The following SMG5 variants were observed in gnomAD, a reference collection of about 807,000 sequenced individuals.
The protein encoded by SMG5 is nonsense-mediated mRNA decay factor SMG5.
In SMG5, 53 loss-of-function variants were observed where a neutral mutation model predicts 122.9. The observed-to-expected ratio is 0.43, with a 90% CI of 0.35 to 0.54. The LOEUF is 0.54. Ranked by LOEUF, SMG5 falls within the 20% of genes least tolerant of loss-of-function variation. The pLI is 0.01. For synonymous variants in SMG5, 477 were observed against 490.2 expected (o/e 0.97, Z 0.35); for missense variants, 1,153 against 1,285.6 (o/e 0.90, Z 1.58).
rs757381534 is a variant in SMG5, at chr1:156,266,193, G to A, written c.1443C>T (p.Asp481=). 4.3e-5 allele frequency: 69 copies of A among 1,614,124 alleles called. No individual in the cohort carries two copies. The highest frequency in any genetic ancestry group is 5.3e-5 in the Non-Finnish European group (63 of 1,180,062). Residue 481 remains aspartate, a synonymous_variant, in exon 12 of 22, where the codon GAC becomes GAT. Transcript: ENST00000361813. ...DSDLSEGFES[D]SSHDSARASE... ...TGGCCCGGGCTGAGTCATGGCTTGA[G>A]TCCGATTCAAAGCCTTCACTCAGGT...
intron 19 of SMG5, among the ~76,000 whole-genome samples, chr1:156,251,907 G>T (rs531512173): frequency 6.6e-6 from 1 of 152,334 alleles, no homozygotes; most frequent in Admixed American, 6.5e-5. Context: ...CAGAAGGGCA[G>T]GCCTGTACCG....
At position 156,277,997 on chromosome 1, in the gene SMG5, C is replaced by T. The variant is rs753619232; in HGVS notation, c.225G>A (p.Gly75=). 3 of 1,614,152 alleles carry T rather than the reference C, an allele frequency of 1.9e-6. No homozygotes were observed. The East Asian group carries it at 6.7e-5, about 36-fold the overall frequency. ...TCCACAGCAGCTCCTCAGCCTTTCTCCCATAGTCCACTGGGTGCAGGAACA... is the reference window on the plus strand; with the variant it reads ...TCCACAGCAGCTCCTCAGCCTTTCTTCCATAGTCCACTGGGTGCAGGAACA... ...KLMFLHPVDY[G]RKAEELLWRK... is the part of the protein sequence containing the mutation. Residue 75 remains glycine (G), a synonymous_variant, in exon 3 of 22, where the codon GGG becomes GGA. Coordinates refer to ENST00000361813, the MANE Select transcript of SMG5 (RefSeq NM_015327.3).
chr1:156,252,289 G>A, intron 19 of SMG5, 125 bp downstream of exon 19: 1 of 786,546 alleles, frequency 1.3e-6, no homozygotes, highest in South Asian at 1.7e-5. Context: ...AGTGAGGTGA[G>A]CTAACTGTGA....
rs1194496637 is a variant in SMG5 at position 156,249,822 on chromosome 1, G to A, written c.*765C>T. 1 of 471,136 alleles carries A rather than the reference G, an allele frequency of 2.1e-6. No individual in the cohort carries two copies. The highest frequency in any genetic ancestry group is 4.4e-6 in the Non-Finnish European group (1 of 227,078). The allele number at this position is 471,136 out of a possible 1,614,324, so 29.2% of individuals were successfully genotyped here. On this transcript the variant is annotated 3_prime_UTR_variant, in exon 22 of 22. Coordinates refer to ENST00000361813, the MANE Select transcript of SMG5 (RefSeq NM_015327.3). ...AAGAGCACAAAGCACAGCACCTGTG[G>A]GGCTGGTGGGCACAGGAGACCGTGC... is the stretch of plus-strand genomic sequence containing the variant.
In SMG5 at chr1:156,263,972, A is replaced by G. The variant is rs564594866; in HGVS notation, c.1856-402T>C. Among the ~76,000 whole-genome samples the G allele has an allele frequency of 5.0e-4, 76 of 152,260 alleles. 4 individuals carry two copies. The South Asian group carries it at 0.016, about 32-fold the overall frequency. On this transcript the variant is annotated intron_variant, in intron 12 of 21. Transcript: ENST00000361813. Reference sequence around the variant, plus strand: ...GGAGAAAAGCAAGGGGTATGGTTTTAAAAGAGTTACTTTCAGGCCGGGCGT... The same window carrying G: ...GGAGAAAAGCAAGGGGTATGGTTTTGAAAGAGTTACTTTCAGGCCGGGCGT...
At chr1:156,271,219 G>A (rs544219054) in intron 7 of SMG5, among the ~76,000 whole-genome samples, 14 of 152,090 alleles carry the variant, frequency 9.2e-5, no homozygotes, top group Non-Finnish European at 1.8e-4. Flanking sequence ...GAATTATGAC[G>A]TACAATTAGT....
Position 156,263,573 on chromosome 1 carries a change from G to C in SMG5, c.1856-3C>G. ...CGACTCAGAGCCCTCCTCAGAGGCT[G>C]GGGGGTGGGTGAATGGAAGAGAAAA... On this transcript the variant is annotated splice_polypyrimidine_tract_variant and splice_region_variant and intron_variant, in intron 12 of 21. Coordinates refer to ENST00000361813, the MANE Select transcript of SMG5 (RefSeq NM_015327.3). The C allele has an allele frequency of 2.5e-6, 4 of 1,610,320 alleles. No homozygotes were observed. The South Asian group carries it at 3.3e-5, about 13-fold the overall frequency.
chr1:156,289,614 A>C, the SMG5 span, among the ~76,000 whole-genome samples: 1 of 152,208 alleles, frequency 6.6e-6, no homozygotes, highest in South Asian at 2.1e-4. Flanking sequence ...TCTGTCTCAA[A>C]AAATAACAAG....
upstream of SMG5, chr1:156,285,940 C>T (rs748217553): frequency 6.2e-7 from 1 of 1,612,964 alleles, no homozygotes; most frequent in South Asian, 1.1e-5. Context: ...GCCTGATCTA[C>T]ACACTGCGCT....
At chr1:156,285,371 G>A (rs138995703), upstream of SMG5, 616 of 1,582,438 alleles carry the variant, frequency 3.9e-4, 3 homozygotes, top group African/African-American at 5.0e-3. Context: ...GTCCCTCAGA[G>A]TGGGGTCTTC....
chr1:156,262,780 G>A (rs1035736720), intron 13 of SMG5, among the ~76,000 whole-genome samples: 5 of 152,182 alleles, frequency 3.3e-5, no homozygotes, highest in African/African-American at 9.6e-5. Flanking sequence ...GGACTGGGGC[G>A]ACCCACAGGG....
intron 6 of SMG5, among the ~76,000 whole-genome samples, chr1:156,272,698 C>G (rs1252889181): frequency 6.6e-6 from 1 of 152,000 alleles, no homozygotes; most frequent in African/African-American, 2.4e-5. Flanking sequence ...TCAGCCTCTC[C>G]CAGTAGCTGG....
At chr1:156,253,663 G>GA (rs1661455243) in intron 16 of SMG5, 155 bp from the exon 17 acceptor site, 3 of 693,522 alleles carry the variant, frequency 4.3e-6, no homozygotes, top group Admixed American at 2.2e-5. Context: ...AGGCATGGAA[G>GA]AAAAAATATT....
chr1:156,253,057 C>A lies in SMG5; in HGVS notation c.2524G>T (p.Gly842Cys). ...RLQLEVSQLE[G>C]SLQQPKAQSA... ...TGGGCCTTGGGCTGCTGCAGGCTGCCCTCCAGCTGAGACACTTCGAGCTGG... is the reference window on the plus strand; with the variant it reads ...TGGGCCTTGGGCTGCTGCAGGCTGCACTCCAGCTGAGACACTTCGAGCTGG... Residue 842 changes from glycine (G) to cysteine (C), a missense_variant, in exon 18 of 22, where the codon GGC (glycine) becomes TGC (cysteine). Transcript: ENST00000361813. The A allele has an allele frequency of 6.2e-7, 1 of 1,609,390 alleles. No individual in the cohort carries two copies. The highest frequency in any genetic ancestry group is 1.1e-5 in the South Asian group (1 of 90,256).
chr1:156,267,563 C>G lies in SMG5; in HGVS notation c.1024G>C (p.Glu342Gln), dbSNP rs770734286. The part of the protein sequence containing the change: ...NLSLASEDEE[E>Q]YESGYAFLPD... ...AGGAAAGCATATCCACTCTCATACT[C>G]CTCCTCATCCTCACTGGCCAGGCTG... Residue 342 changes from glutamate (E) to glutamine (Q), a missense_variant, in exon 10 of 22, where the codon GAG becomes CAG. Coordinates refer to ENST00000361813, the MANE Select transcript of SMG5 (RefSeq NM_015327.3). 5 of 1,614,072 alleles carry G rather than the reference C, an allele frequency of 3.1e-6. No homozygotes were observed. The highest frequency in any genetic ancestry group is 2.2e-5 in the East Asian group (1 of 44,888).
intron 12 of SMG5, 121 bp downstream of exon 12, chr1:156,265,660 A>AG: frequency 1.4e-6 from 2 of 1,436,462 alleles, no homozygotes; most frequent in Non-Finnish European, 1.9e-6. Flanking sequence ...CCACAGGCAG[A>AG]GGGCCAAAGG....
intron 7 of SMG5, among the ~76,000 whole-genome samples, chr1:156,269,955 G>A (rs1355116723): frequency 2.0e-5 from 3 of 152,132 alleles, no homozygotes; most frequent in East Asian, 3.9e-4. Context: ...CAGGAGAATC[G>A]CCTGAACCCA....
intron 1 of SMG5, among the ~76,000 whole-genome samples, chr1:156,282,138 G>A (rs753625168): frequency 1.6e-4 from 25 of 152,168 alleles, no homozygotes; most frequent in Non-Finnish European, 2.8e-4. Flanking sequence ...TTAAGGATAA[G>A]GAAACTGAGG....
At chr1:156,291,298 C>G in the SMG5 span, 2 of 1,255,168 alleles carry the variant, frequency 1.6e-6, no homozygotes, top group South Asian at 2.6e-5. Context: ...TCTGCCTCCC[C>G]TATCTACTCC....
Sources: gnomAD v4.1 joint callset for allele counts (sites outside exome capture counted in the v4.1 genomes callset) on GRCh38, gnomAD v4.1.1 for gene constraint, MANE v1.5 for transcripts, NCBI Gene and HGNC (gene_info 2026-07-23, HGNC 2026-07-21) for gene names.